The following CDH13 variants were observed in gnomAD, a reference collection of about 807,000 sequenced individuals.
CDH13 encodes cadherin 13.
In CDH13, 24 loss-of-function variants were observed where a neutral mutation model predicts 63.8. That is an observed-to-expected ratio of 0.38 (90% confidence interval 0.27 to 0.53). The LOEUF (loss-of-function observed/expected upper bound fraction) is 0.53, where lower values mean the gene tolerates loss of function less well. CDH13 is among the 20% of genes least tolerant of loss of function. CDH13 has a pLI of 0.85. For synonymous variants in CDH13, 503 were observed against 355.3 expected (o/e 1.42, Z -4.67); for missense variants, 1,049 against 903.1 (o/e 1.16, Z -2.07).
intron 1 of CDH13, among the ~76,000 whole-genome samples, chr16:82,713,388 A>T (rs965354642): frequency 6.6e-6 from 1 of 152,120 alleles, no homozygotes; most frequent in Non-Finnish European, 1.5e-5. Flanking sequence ...TCCCAGTGTC[A>T]TGATGAGATC....
intron 7 of CDH13, among the ~76,000 whole-genome samples, chr16:83,587,282 A>G (rs1030712572): frequency 1.3e-5 from 2 of 152,226 alleles, no homozygotes; most frequent in African/African-American, 2.4e-5. Context: ...TGTGGTGCTG[A>G]TTAAACGTCT....
intron 4 of CDH13, among the ~76,000 whole-genome samples, chr16:83,184,171 G>T: frequency 6.9e-6 from 1 of 144,780 alleles, no homozygotes; most frequent in Non-Finnish European, 1.5e-5. Flanking sequence ...TCAGAACAAT[G>T]AATAGCTGTT....
intron 10 of CDH13, among the ~76,000 whole-genome samples, chr16:83,682,731 TC>T (rs1247041094): frequency 1.3e-5 from 2 of 152,126 alleles, no homozygotes; most frequent in Non-Finnish European, 2.9e-5. Flanking sequence ...ACCATCTCTG[TC>T]TTTTCTGACA....
intron 4 of CDH13, among the ~76,000 whole-genome samples, chr16:83,167,299 C>G (rs866934848): frequency 2.6e-5 from 4 of 151,616 alleles, no homozygotes; most frequent in African/African-American, 9.7e-5. Context: ...GAGTTTGAGA[C>G]CAGCCTGGCC....
intron 1 of CDH13, among the ~76,000 whole-genome samples, chr16:82,632,803 A>G (rs1472933015): frequency 1.3e-5 from 2 of 152,146 alleles, no homozygotes; most frequent in Non-Finnish European, 2.9e-5. Context: ...ATAATTCTAC[A>G]ACTCACTATA....
At chr16:83,106,192 A>G (rs1377531381) in intron 3 of CDH13, among the ~76,000 whole-genome samples, 2 of 152,240 alleles carry the variant, frequency 1.3e-5, no homozygotes, top group Non-Finnish European at 2.9e-5. Flanking sequence ...AACTCTACCT[A>G]CAACGTCACT....
At position 83,493,155 on chromosome 16, in the gene CDH13, T is replaced by C. The variant is rs117950299; in HGVS notation, c.960+6500T>C. On this transcript the variant is annotated intron_variant, in intron 7 of 13. Coordinates refer to ENST00000567109, the MANE Select transcript of CDH13 (RefSeq NM_001257.5). ...AAAAATTCAAATAAGATGTGCCAAGTACTAGCGTGATACTTATCTATAAGC... is the reference window on the plus strand; with the variant it reads ...AAAAATTCAAATAAGATGTGCCAAGCACTAGCGTGATACTTATCTATAAGC... Among the ~76,000 whole-genome samples, 156 of 152,364 alleles carry C rather than the reference T, an allele frequency of 1.0e-3. 1 individual carries two copies. The East Asian group carries it at 0.028, about 28-fold the overall frequency.
rs372137868 is a variant in CDH13, at chr16:82,652,263, C to T, written c.45+25126C>T. Reference sequence around the variant, plus strand: ...CCTGTCATGGTGGAACCCCTGGGCTCTGAAAGATTACAGGAAAATAGCTGG... The same window carrying T: ...CCTGTCATGGTGGAACCCCTGGGCTTTGAAAGATTACAGGAAAATAGCTGG... On this transcript the variant is annotated intron_variant, in intron 1 of 13. Transcript: ENST00000567109. Among the ~76,000 whole-genome samples, 12 of 152,290 alleles carry T rather than the reference C, an allele frequency of 7.9e-5. No homozygotes were observed. The East Asian group carries it at 2.3e-3, about 29-fold the overall frequency.
chr16:83,668,675 G>A (rs1293457939), intron 8 of CDH13, among the ~76,000 whole-genome samples: 1 of 152,226 alleles, frequency 6.6e-6, no homozygotes. Context: ...GTGGGCAGGA[G>A]TGGCAGAGCA....
chr16:82,854,111 A>AG (rs1698236566), intron 1 of CDH13, among the ~76,000 whole-genome samples: 1 of 152,198 alleles, frequency 6.6e-6, no homozygotes, highest in South Asian at 2.1e-4. Flanking sequence ...AAGAAATTAA[A>AG]GGGCAAGGCT....
intron 5 of CDH13, among the ~76,000 whole-genome samples, chr16:83,281,752 A>G (rs1003083318): frequency 9.2e-5 from 14 of 151,826 alleles, no homozygotes; most frequent in African/African-American, 3.1e-4. Flanking sequence ...GTGCTTAAAA[A>G]AAAAAAAAAA....
At chr16:82,794,019 G>A (rs1184466470) in intron 1 of CDH13, among the ~76,000 whole-genome samples, 1 of 152,076 alleles carries the variant, frequency 6.6e-6, no homozygotes, top group African/African-American at 2.4e-5. Flanking sequence ...CTCCCTGCTG[G>A]AGGAAAGCAG....
At chr16:83,238,639 C>G (rs1392252363) in intron 5 of CDH13, among the ~76,000 whole-genome samples, 1 of 152,180 alleles carries the variant, frequency 6.6e-6, no homozygotes, top group African/African-American at 2.4e-5. Context: ...TGGGTAGGTT[C>G]TGGACTGGAT....
intron 5 of CDH13, among the ~76,000 whole-genome samples, chr16:83,281,591 C>G (rs1351820194): frequency 6.6e-6 from 1 of 152,126 alleles, no homozygotes; most frequent in African/African-American, 2.4e-5. Flanking sequence ...GCTATCTCAG[C>G]TTTCAACATG....
At chr16:83,128,835 T>C (rs2035923113) in intron 4 of CDH13, among the ~76,000 whole-genome samples, 4 of 152,210 alleles carry the variant, frequency 2.6e-5, no homozygotes, top group Admixed American at 2.6e-4. Flanking sequence ...CTTAGCCCCT[T>C]ATGTGTTGCC....
rs1387153143 is a variant in CDH13, at chr16:83,368,841, C to T, written c.781+23835C>T. ...ATTCCATCCAAGTTTCTGTGAATAC[C>T]ATTATTTCATTCTTTTTTATGGCTG... On this transcript the variant is annotated intron_variant, in intron 6 of 13. Coordinates refer to ENST00000567109, the MANE Select transcript of CDH13 (RefSeq NM_001257.5). Among the ~76,000 whole-genome samples, 6 of 119,118 alleles carry T rather than the reference C, an allele frequency of 5.0e-5. No homozygotes were observed. The East Asian group carries it at 1.4e-3, about 27-fold the overall frequency. 78.1% of individuals were successfully genotyped at this position (119,118 alleles called of 152,430 possible).
intron 7 of CDH13, among the ~76,000 whole-genome samples, chr16:83,561,833 T>C (rs2075714684): frequency 6.6e-6 from 1 of 152,176 alleles, no homozygotes; most frequent in South Asian, 2.1e-4. Flanking sequence ...CATCACTGTT[T>C]TGTAGTTCCT....
At chr16:83,163,756 G>A (rs7191254) in intron 4 of CDH13, among the ~76,000 whole-genome samples, 11,319 of 152,022 alleles carry the variant, frequency 0.074, 1,412 homozygotes, top group African/African-American at 0.26. Context: ...GCATAAAGCC[G>A]CCACCCACCA....
intron 4 of CDH13, among the ~76,000 whole-genome samples, chr16:83,208,141 T>A (rs1213284110): frequency 1.3e-5 from 2 of 152,162 alleles, no homozygotes; most frequent in African/African-American, 4.8e-5. Context: ...ATAAGGTGGG[T>A]GTGGAGCTTC....
Sources: gnomAD v4.1 joint callset for allele counts (sites outside exome capture counted in the v4.1 genomes callset) on GRCh38, gnomAD v4.1.1 for gene constraint, MANE v1.5 for transcripts, NCBI Gene and HGNC (gene_info 2026-07-23, HGNC 2026-07-21) for gene names.